Variants in RYR3 observed in about 807,000 individuals in gnomAD.
The protein encoded by RYR3 is brain ryanodine receptor-calcium release channel.
In RYR3, 207 loss-of-function variants were observed where a neutral mutation model predicts 584.3. The ratio of observed to expected loss-of-function variants is 0.35; its 90% CI spans 0.32 to 0.40. The LOEUF (loss-of-function observed/expected upper bound fraction) is 0.40. RYR3 is among the 10% of genes least tolerant of loss of function. The probability of loss-of-function intolerance (pLI) is 1.00; values close to 1 mark genes in which losing one functional copy is unlikely to be tolerated. For missense variants in RYR3, 5,616 were observed against 6,089.2 expected (o/e 0.92, Z 2.59); for synonymous variants, 2,416 against 2,248.5 (o/e 1.07, Z -2.11).
rs760950887 is a variant in RYR3 at position 33,662,431 on chromosome 15, C to T, written c.4901C>T (p.Thr1634Ile). ...AAGAACGAGTACATCATCCCCATTACCAGCACCACCAGGAATATCCGCCTC... is the reference window on the plus strand; with the variant it reads ...AAGAACGAGTACATCATCCCCATTATCAGCACCACCAGGAATATCCGCCTC... ...MMKNEYIIPI[T>I]STTRNIRLFP... The change falls in exon 35 of 104, where the codon ACC (threonine) becomes ATC (isoleucine). Residue 1634 changes from threonine to isoleucine, a missense_variant. Physicochemically the swap from Thr to Ile is moderately conservative, Grantham distance 89. Coordinates refer to ENST00000634891, the MANE Select transcript of RYR3 (RefSeq NM_001036.6). 2.5e-6 allele frequency: 4 copies of T among 1,614,000 alleles called. No homozygotes were observed. In the South Asian group the frequency reaches 4.4e-5, roughly 18 times the overall value.
rs10630004 is a variant in RYR3, at chr15:33,669,228, C to CAA, written c.5620-114_5620-113dup. The CAA allele has an allele frequency of 4.4e-3, 2,250 of 513,892 alleles. 12 individuals carry two copies. Among genetic ancestry groups the CAA allele is most frequent in the African/African-American group, 0.022 (1,052 of 47,594 alleles). The allele number at this position is 513,892 out of a possible 1,614,324, so 31.8% of individuals were successfully genotyped here. A position where few individuals can be genotyped will look rare whatever the true frequency, so the allele number is the denominator to read the frequency against. On this transcript the variant is annotated intron_variant, in intron 36 of 103. Transcript: ENST00000634891. Reference sequence around the variant, plus strand: ...ACTTGTAAATATTGGCCACTTTTACCAAAAAAAAAAAAATCACTAAGTAAA... The same window carrying CAA: ...ACTTGTAAATATTGGCCACTTTTACCAAAAAAAAAAAAAAATCACTAAGTAAA...
chr15:33,526,441 C>A (rs1238102034), intron 3 of RYR3, among the ~76,000 whole-genome samples: 1 of 152,168 alleles, frequency 6.6e-6, no homozygotes, highest in Non-Finnish European at 1.5e-5. Flanking sequence ...CCTGATAAAT[C>A]TTCCCAGTCT....
chr15:33,855,178 G>A (rs376216890), intron 98 of RYR3, among the ~76,000 whole-genome samples: 2 of 152,070 alleles, frequency 1.3e-5, no homozygotes, highest in East Asian at 1.9e-4. Context: ...GGGAGGTGAT[G>A]GACATGTCAG....
chr15:33,819,898 G>T, intron 77 of RYR3, 91 bp downstream of exon 77: 1 of 957,510 alleles, frequency 1.0e-6, no homozygotes, highest in Non-Finnish European at 1.6e-6. Context: ...TGAATAGCAG[G>T]CCTGGGACTT....
chr15:33,649,331 C>A, intron 31 of RYR3, 96 bp downstream of exon 31: 3 of 1,181,808 alleles, frequency 2.5e-6, no homozygotes, highest in Non-Finnish European at 2.4e-6. Context: ...AAGGAAACAT[C>A]TTGGCCTCTC....
At chr15:33,666,408 A>T (rs1596054475) in intron 36 of RYR3, among the ~76,000 whole-genome samples, 2 of 152,216 alleles carry the variant, frequency 1.3e-5, no homozygotes, top group Non-Finnish European at 2.9e-5. Context: ...GAGAATAAAA[A>T]TGAAAGAAGG....
chr15:33,805,642 T>C (rs573110190), intron 69 of RYR3, among the ~76,000 whole-genome samples: 13 of 151,678 alleles, frequency 8.6e-5, no homozygotes, highest in African/African-American at 3.1e-4. Flanking sequence ...CACGCCCGGC[T>C]AATTTTTTGT....
At chr15:33,733,874 G>T (rs750919909) in intron 48 of RYR3, among the ~76,000 whole-genome samples, 11 of 152,132 alleles carry the variant, frequency 7.2e-5, no homozygotes, top group Non-Finnish European at 1.0e-4. Flanking sequence ...GCTCAATTTT[G>T]CTGTGAACCG....
intron 1 of RYR3, among the ~76,000 whole-genome samples, chr15:33,368,319 T>C (rs1007712660): frequency 1.3e-5 from 2 of 151,536 alleles, no homozygotes; most frequent in Admixed American, 1.3e-4. Flanking sequence ...CTTTTGTTTC[T>C]TCATTGTAGC....
chr15:33,477,877 GAAAAAAAAAAAAAAAA>G (rs58200056), intron 2 of RYR3, among the ~76,000 whole-genome samples: 1 of 62,626 alleles, frequency 1.6e-5, no homozygotes, highest in African/African-American at 9.9e-5. Flanking sequence ...TCTGTCTCAA[GAAAAAAAAAAAAAAAA>G]AAAAAAAAAA....
intron 28 of RYR3, 115 bp downstream of exon 28, chr15:33,644,634 T>A: frequency 1.4e-6 from 1 of 726,124 alleles, no homozygotes; most frequent in Non-Finnish European, 2.3e-6. Flanking sequence ...CCTGGCCACT[T>A]ACCAGCCACC....
intron 72 of RYR3, 139 bp downstream of exon 72, chr15:33,811,176 A>C: frequency 1.4e-6 from 1 of 721,616 alleles, no homozygotes; most frequent in Non-Finnish European, 2.4e-6. Flanking sequence ...AATTGGTAGG[A>C]CTAGCTCTCT....
intron 67 of RYR3, among the ~76,000 whole-genome samples, chr15:33,791,243 T>TGG (rs2075136023): frequency 1.3e-5 from 2 of 152,236 alleles, no homozygotes; most frequent in South Asian, 4.1e-4. Context: ...CCAATAGAGA[T>TGG]GGGGGCTATG....
intron 41 of RYR3, among the ~76,000 whole-genome samples, chr15:33,700,431 C>A (rs1468109217): frequency 6.6e-6 from 1 of 152,234 alleles, no homozygotes; most frequent in African/African-American, 2.4e-5. Flanking sequence ...CAAATACTTG[C>A]ACTTGAAAAC....
intron 100 of RYR3, 37 bp downstream of exon 100, chr15:33,859,768 T>C: frequency 1.9e-6 from 3 of 1,568,660 alleles, no homozygotes; most frequent in East Asian, 2.3e-5. Context: ...GAACAGGGTT[T>C]AATCTAGTTC....
intron 1 of RYR3, among the ~76,000 whole-genome samples, chr15:33,328,321 GCTT>G (rs941856788): frequency 5.3e-5 from 8 of 152,184 alleles, no homozygotes; most frequent in Admixed American, 2.6e-4. Flanking sequence ...TTTCTGGAGT[GCTT>G]CGTCTGTTCC....
intron 38 of RYR3, among the ~76,000 whole-genome samples, chr15:33,674,936 G>A (rs945294868): frequency 1.3e-5 from 2 of 149,926 alleles, no homozygotes; most frequent in Admixed American, 6.7e-5. Flanking sequence ...AAAGAGTGGT[G>A]TTAGAATATA....
intron 2 of RYR3, 72 bp from the exon 3 acceptor site, chr15:33,503,559 T>G: frequency 1.1e-6 from 1 of 876,324 alleles, no homozygotes; most frequent in Non-Finnish European, 1.9e-6. Flanking sequence ...CTCTTTGCCC[T>G]TGAGATGTTG....
intron 65 of RYR3, among the ~76,000 whole-genome samples, chr15:33,781,858 A>AG (rs2074402381): frequency 3.1e-5 from 4 of 129,646 alleles, no homozygotes; most frequent in South Asian, 3.0e-4. Context: ...AAAAAAAAAA[A>AG]AGGGGGGGGG....
Sources: gnomAD v4.1 joint callset for allele counts (sites outside exome capture counted in the v4.1 genomes callset) on GRCh38, gnomAD v4.1.1 for gene constraint, MANE v1.5 for transcripts, NCBI Gene and HGNC (gene_info 2026-07-23, HGNC 2026-07-21) for gene names.